Variants in NOX3 observed in about 807,000 individuals in gnomAD.
NOX3 encodes NADPH oxidase 3, also known as NADPH oxidase catalytic subunit-like 3.
NOX3 carries 74 observed loss-of-function variants against 76.7 expected under a neutral mutation model. That is an observed-to-expected ratio of 0.96 (90% CI 0.80 to 1.17). NOX3 has a LOEUF of 1.17. Among genes scored for constraint, NOX3 ranks in the 50% most tolerant of loss-of-function variants. The probability of loss-of-function intolerance (pLI) is 0.00; values close to 1 mark genes in which losing one functional copy is unlikely to be tolerated. For synonymous variants in NOX3, 263 were observed against 261.1 expected, an observed-to-expected ratio of 1.01 and a Z score of -0.07; for missense variants, 695 against 703.3, an observed-to-expected ratio of 0.99 and a Z score of 0.13.
chr6:155,451,780 A>C (rs566724723), intron 4 of NOX3, among the ~76,000 whole-genome samples: 2 of 152,052 alleles, frequency 1.3e-5, no homozygotes, highest in Admixed American at 1.3e-4. Flanking sequence ...ATGCACCACC[A>C]CGCCCAGCTA....
intron 9 of NOX3, among the ~76,000 whole-genome samples, chr6:155,428,445 T>C (rs1395992925): frequency 1.3e-5 from 2 of 151,990 alleles, no homozygotes; most frequent in East Asian, 3.9e-4. Context: ...TAAAAAAAAC[T>C]CAGACTGTGA....
chr6:155,431,021 A>G (rs1467775846), intron 7 of NOX3, 86 bp from the exon 8 acceptor site: 1 of 802,388 alleles, frequency 1.2e-6, no homozygotes, highest in Non-Finnish European at 2.1e-6. Flanking sequence ...AATATACAAC[A>G]TGATGGGGAT....
chr6:155,428,169 C>T (rs538673565), intron 9 of NOX3, among the ~76,000 whole-genome samples: 14 of 152,340 alleles, frequency 9.2e-5, no homozygotes, highest in African/African-American at 2.2e-4. Context: ...CCAAAGTGCT[C>T]GGATAACAGG....
intron 4 of NOX3, among the ~76,000 whole-genome samples, chr6:155,449,942 A>AT (rs879933592): frequency 3.3e-5 from 5 of 152,234 alleles, no homozygotes; most frequent in South Asian, 2.1e-4. Context: ...AAGGCTTAGC[A>AT]TTTTTTTTCC....
intron 12 of NOX3, among the ~76,000 whole-genome samples, chr6:155,406,243 A>G (rs1776455298): frequency 6.6e-6 from 1 of 152,256 alleles, no homozygotes; most frequent in Non-Finnish European, 1.5e-5. Flanking sequence ...AGTGCCCCAT[A>G]CTACAAGTAT....
intron 6 of NOX3, among the ~76,000 whole-genome samples, chr6:155,439,095 T>C (rs1231252492): frequency 6.6e-6 from 1 of 152,212 alleles, no homozygotes; most frequent in East Asian, 1.9e-4. Flanking sequence ...AGAACACCTT[T>C]TTCCTCTTTA....
At chr6:155,398,662 G>A (rs1378603937) in intron 12 of NOX3, among the ~76,000 whole-genome samples, 1 of 152,220 alleles carries the variant, frequency 6.6e-6, no homozygotes, top group Admixed American at 6.5e-5. Flanking sequence ...ATTTCCCATG[G>A]AAAGGTATGA....
chr6:155,433,349 T>C (rs888118565), intron 7 of NOX3, among the ~76,000 whole-genome samples: 2 of 152,130 alleles, frequency 1.3e-5, no homozygotes, highest in Admixed American at 1.3e-4. Flanking sequence ...CTTGCAGTGA[T>C]ACCCGGGACA....
At chr6:155,407,992 T>G (rs186924736) in intron 11 of NOX3, among the ~76,000 whole-genome samples, 2 of 152,326 alleles carry the variant, frequency 1.3e-5, no homozygotes, top group East Asian at 3.9e-4. Context: ...GTTTTTGTGT[T>G]TTTTGAGACA....
chr6:155,402,522 C>A (rs1015391305), intron 12 of NOX3, among the ~76,000 whole-genome samples: 1 of 151,864 alleles, frequency 6.6e-6, no homozygotes, highest in Non-Finnish European at 1.5e-5. Context: ...TTTAATTTTT[C>A]TTCTCTCTCC....
chr6:155,410,689 G>A (rs373672812), intron 11 of NOX3, among the ~76,000 whole-genome samples: 6 of 152,162 alleles, frequency 3.9e-5, no homozygotes, highest in South Asian at 2.1e-4. Flanking sequence ...ATAAACATAC[G>A]TGCACACAAT....
At chr6:155,432,863 C>G (rs1212454040) in intron 7 of NOX3, among the ~76,000 whole-genome samples, 1 of 152,104 alleles carries the variant, frequency 6.6e-6, no homozygotes, top group Non-Finnish European at 1.5e-5. Flanking sequence ...AGGAAGCGTC[C>G]CTGGGAAAGA....
At chr6:155,440,900 C>CA (rs1220952490) in intron 5 of NOX3, among the ~76,000 whole-genome samples, 1 of 152,146 alleles carries the variant, frequency 6.6e-6, no homozygotes. Context: ...GCTGCACACT[C>CA]AGTTCCCTTG....
At chr6:155,445,968 T>TATATATATGCTATATATATATATAA (rs1777058132) in intron 4 of NOX3, among the ~76,000 whole-genome samples, 1 of 98,874 alleles carries the variant, frequency 1.0e-5, no homozygotes, top group African/African-American at 4.2e-5. Flanking sequence ...TATATATATA[T>TATATATATGCTATATATATATATAA]AATATATATA....
At chr6:155,427,147 A>C (rs867771182) in intron 9 of NOX3, among the ~76,000 whole-genome samples, 1 of 152,028 alleles carries the variant, frequency 6.6e-6, no homozygotes, top group African/African-American at 2.4e-5. Context: ...CCTTTCCATT[A>C]TAAAAAAGAA....
At chr6:155,438,414 C>T (rs539497328) in intron 6 of NOX3, among the ~76,000 whole-genome samples, 2 of 152,282 alleles carry the variant, frequency 1.3e-5, no homozygotes, top group South Asian at 4.1e-4. Context: ...TGTGGACTGA[C>T]CCGGTTACTA....
chr6:155,416,553 G>A (rs929560081), intron 10 of NOX3, among the ~76,000 whole-genome samples: 1 of 151,992 alleles, frequency 6.6e-6, no homozygotes, highest in African/African-American at 2.4e-5. Flanking sequence ...CCATTATAAG[G>A]CCAAGACCAG....
At chr6:155,425,173 C>T (rs1044492527) in intron 9 of NOX3, among the ~76,000 whole-genome samples, 1 of 152,202 alleles carries the variant, frequency 6.6e-6, no homozygotes. Context: ...TTTTGCCTTT[C>T]TGAGAAGCAC....
Position 155,422,817 on chromosome 6 carries a change from A to T in NOX3, c.1185T>A (p.Asp395Glu), listed in dbSNP as rs375246251. 1 of 1,614,230 alleles carries T rather than the reference A, an allele frequency of 6.2e-7. No individual in the cohort carries two copies. The highest frequency in any genetic ancestry group is 1.7e-5 in the Admixed American group (1 of 60,032). Reference protein sequence around the residue: ...VDGPFGTALTDVFHYPVCVCV... With the variant: ...VDGPFGTALTEVFHYPVCVCV... ...ACACACACACTGGGTAGTGAAATAC[A>T]TCTGTCAGGGCAGTTCCAAAGGGCC... Residue 395 changes from aspartate (D) to glutamate (E), a missense_variant, in exon 10 of 14, where the codon GAT (aspartate) becomes GAA (glutamate). Coordinates refer to ENST00000159060, the MANE Select transcript of NOX3 (RefSeq NM_015718.3).
Sources: gnomAD v4.1 joint callset for allele counts (sites outside exome capture counted in the v4.1 genomes callset) on GRCh38, gnomAD v4.1.1 for gene constraint, MANE v1.5 for transcripts, NCBI Gene and HGNC (gene_info 2026-07-23, HGNC 2026-07-21) for gene names.